Variants in GRIK3 observed in about 807,000 individuals in gnomAD.
GRIK3 encodes the protein glutamate ionotropic receptor kainate type subunit 3.
In GRIK3, 29 loss-of-function variants were observed where a neutral mutation model predicts 102.5. The observed-to-expected ratio is 0.28, with a 90% CI of 0.21 to 0.39. The LOEUF (loss-of-function observed/expected upper bound fraction) is 0.39. Among genes scored for constraint, GRIK3 ranks in the 10% least tolerant of loss-of-function variants. The pLI, the probability that GRIK3 is intolerant of heterozygous loss-of-function variation, is 1.00. For synonymous variants in GRIK3, 511 were observed against 504.9 expected (o/e 1.01, Z -0.16); for missense variants, 908 against 1,252.4 (o/e 0.73, Z 4.15).
In GRIK3 at chr1:36,817,063, G is replaced by C. The variant is rs1336059653; in HGVS notation, c.2088C>G (p.Phe696Leu). The part of the protein sequence containing the change: ...AVKDGATMTF[F>L]KKSKISTFEK... The stretch of plus-strand genomic sequence containing the variant: ...AATAGGAGGGAGAGGGCCTCACCTT[G>C]AAGAAGGTCATGGTGGCCCCATCCT... The change falls in exon 13 of 16, where the codon TTC becomes TTG. Residue 696 changes from phenylalanine to leucine, a missense_variant. By Grantham distance (22) the Phe-to-Leu change is conservative (BLOSUM62 0). Around this residue, in one of 3 missense-constraint regions of GRIK3, gnomAD observed 297 missense variants for 362.7 expected, o/e 0.82. Coordinates refer to ENST00000373091, the MANE Select transcript of GRIK3 (RefSeq NM_000831.4). 6.2e-7 allele frequency: 1 copy of C among 1,610,368 alleles called. No homozygotes were observed.
chr1:36,831,614 G>A (rs910555132), intron 10 of GRIK3, among the ~76,000 whole-genome samples: 1 of 152,176 alleles, frequency 6.6e-6, no homozygotes, highest in Non-Finnish European at 1.5e-5. Flanking sequence ...ACAGTCATGC[G>A]TGATCTAGTC....
intron 2 of GRIK3, among the ~76,000 whole-genome samples, chr1:36,890,215 T>C (rs1321068566): frequency 3.3e-5 from 5 of 152,038 alleles, no homozygotes; most frequent in African/African-American, 1.2e-4. Context: ...GTAATCCCAG[T>C]ACTCTGGGAG....
chr1:36,844,179 T>A (rs1640493475), intron 9 of GRIK3, among the ~76,000 whole-genome samples: 1 of 152,062 alleles, frequency 6.6e-6, no homozygotes, highest in Non-Finnish European at 1.5e-5. Flanking sequence ...GGGAAAGAAC[T>A]GGTGGGGGTG....
Position 36,837,528 on chromosome 1 carries a change from A to G in GRIK3, c.1530+4208T>C, listed in dbSNP as rs116740123. 4.1e-3 allele frequency among the ~76,000 whole-genome samples: 626 copies of G among 152,162 alleles called. 4 individuals carry two copies. The highest frequency in any genetic ancestry group is 0.014 in the African/African-American group (587 of 41,512). On this transcript the variant is annotated intron_variant, in intron 10 of 15. Transcript: ENST00000373091. ...GCAGCACTCGCCCTGTTTGGGTCCC[A>G]GCGATGGCTTCCATACTGGCTCAGG...
At chr1:37,026,406 T>C (rs1057274328) in intron 1 of GRIK3, among the ~76,000 whole-genome samples, 3 of 152,140 alleles carry the variant, frequency 2.0e-5, no homozygotes, top group South Asian at 2.1e-4. Context: ...CAAGGCTGCA[T>C]GGAGTATGGG....
intron 13 of GRIK3, among the ~76,000 whole-genome samples, chr1:36,808,825 A>T (rs878944164): frequency 6.6e-6 from 1 of 152,174 alleles, no homozygotes; most frequent in African/African-American, 2.4e-5. Context: ...TCTCAACCAC[A>T]TAGTCACATA....
chr1:36,917,903 C>T (rs1641420282), intron 1 of GRIK3, among the ~76,000 whole-genome samples: 1 of 152,120 alleles, frequency 6.6e-6, no homozygotes, highest in Non-Finnish European at 1.5e-5. Context: ...GCCAGAAGGA[C>T]TCATACCCCC....
chr1:37,019,389 G>A (rs1377464129), intron 1 of GRIK3, among the ~76,000 whole-genome samples: 2 of 152,128 alleles, frequency 1.3e-5, no homozygotes, highest in Non-Finnish European at 2.9e-5. Context: ...CTGCCAACTC[G>A]ACTGTGCGAC....
At chr1:36,926,635 C>T (rs902421295) in intron 1 of GRIK3, among the ~76,000 whole-genome samples, 8 of 152,046 alleles carry the variant, frequency 5.3e-5, no homozygotes, top group Non-Finnish European at 7.4e-5. Context: ...GTGATCTGTC[C>T]GCCTTGGCCT....
At chr1:37,019,747 A>G (rs1642691585) in intron 1 of GRIK3, among the ~76,000 whole-genome samples, 1 of 152,176 alleles carries the variant, frequency 6.6e-6, no homozygotes, top group African/African-American at 2.4e-5. Flanking sequence ...AAAATTACAA[A>G]CAGCATAAAA....
At chr1:36,977,841 A>C (rs144221316) in intron 1 of GRIK3, among the ~76,000 whole-genome samples, 1 of 152,238 alleles carries the variant, frequency 6.6e-6, no homozygotes, top group Non-Finnish European at 1.5e-5. Context: ...AAAAGGAAAC[A>C]AGCCAATAAA....
intron 7 of GRIK3, among the ~76,000 whole-genome samples, chr1:36,855,366 G>T (rs904896): frequency 0.23 from 35,042 of 152,146 alleles, 4,217 homozygotes; most frequent in African/African-American, 0.3. Flanking sequence ...CACAAGGTCA[G>T]GGGTCCACAG....
At chr1:36,823,876 AG>A (rs1279217333) in intron 11 of GRIK3, among the ~76,000 whole-genome samples, 6 of 152,288 alleles carry the variant, frequency 3.9e-5, no homozygotes, top group African/African-American at 1.4e-4. Flanking sequence ...GTCAAAGAAA[AG>A]CTTTCTGATT....
intron 13 of GRIK3, among the ~76,000 whole-genome samples, chr1:36,808,586 G>C (rs574643377): frequency 3.3e-5 from 5 of 152,140 alleles, no homozygotes; most frequent in Non-Finnish European, 4.4e-5. Context: ...CAGTCACCTG[G>C]GGGGAGCTGA....
chr1:36,831,151 C>G (rs572193119), intron 10 of GRIK3, among the ~76,000 whole-genome samples: 1 of 152,340 alleles, frequency 6.6e-6, no homozygotes, highest in African/African-American at 2.4e-5. Context: ...CTGTCCCCAC[C>G]CCAGCACCTG....
intron 4 of GRIK3, among the ~76,000 whole-genome samples, chr1:36,870,517 G>A (rs201872113): frequency 6.6e-6 from 1 of 152,192 alleles, no homozygotes; most frequent in East Asian, 1.9e-4. Flanking sequence ...AAATGTCACC[G>A]GTTCAAGTAC....
chr1:36,832,082 GC>G (rs1640307836), intron 10 of GRIK3, among the ~76,000 whole-genome samples: 4 of 336 alleles, frequency 0.012, no homozygotes, highest in Non-Finnish European at 0.029. Flanking sequence ...CCTGGCGACT[GC>G]TCTACTGCTC....
intron 1 of GRIK3, among the ~76,000 whole-genome samples, chr1:36,924,159 G>A (rs1360008602): frequency 6.6e-6 from 1 of 152,138 alleles, no homozygotes; most frequent in Admixed American, 6.5e-5. Flanking sequence ...CCACAAAATC[G>A]GTTTTGTGCC....
In GRIK3 at chr1:37,034,075, C is replaced by A; in HGVS notation, c.34G>T (p.Val12Phe). Reference sequence around the variant, plus strand: ...AGGAGCCCGGCCCAGTATTCCCAAACCAGACTCCGGAGGCGCCGCCAGGGA... The same window carrying A: ...AGGAGCCCGGCCCAGTATTCCCAAAACAGACTCCGGAGGCGCCGCCAGGGA... ...TAPWRRLRSL[V>F]WEYWAGLLVC... Residue 12 changes from valine (V) to phenylalanine (F), a missense_variant, in exon 1 of 16, where the codon GTT (valine) becomes TTT (phenylalanine). Val to Phe is a conservative substitution (Grantham distance 50). Around this residue, in one of 3 missense-constraint regions of GRIK3, gnomAD observed 585 missense variants for 824.9 expected, o/e 0.71. Transcript: ENST00000373091. 1 of 1,598,542 alleles carries A rather than the reference C, an allele frequency of 6.3e-7. No individual in the cohort carries two copies. Among genetic ancestry groups the A allele is most frequent in the Non-Finnish European group, 8.5e-7 (1 of 1,173,746 alleles).
Sources: allele counts gnomAD v4.1 joint callset (sites outside exome capture counted in the v4.1 genomes callset), GRCh38; gene constraint gnomAD v4.1.1; regional missense constraint gnomAD v4.1.1; transcripts MANE v1.5; gene names NCBI Gene and HGNC (gene_info 2026-07-23, HGNC 2026-07-21).